PITPNM2: variants seen among roughly 807,000 people sequenced by gnomAD.
PITPNM2 encodes membrane-associated phosphatidylinositol transfer protein 2.
A neutral mutation model predicts 132.2 loss-of-function variants in PITPNM2; 35 were observed. That is an observed-to-expected ratio of 0.26 (90% CI 0.20 to 0.35). The LOEUF (loss-of-function observed/expected upper bound fraction) is 0.35. PITPNM2 is among the 10% of genes least tolerant of loss of function. PITPNM2 has a pLI of 1.00. For missense variants in PITPNM2, 1,332 were observed against 1,912.0 expected (o/e 0.70, Z 5.66); for synonymous variants, 738 against 799.2 (o/e 0.92, Z 1.29).
At chr12:123,089,909 G>A (rs1377606852) in intron 2 of PITPNM2, 1 of 152,252 alleles carries the variant, frequency 6.6e-6, no homozygotes, top group Non-Finnish European at 1.5e-5. Flanking sequence ...TTTGCAGCCA[G>A]TAGAGAGACA....
intron 1 of PITPNM2, among the ~76,000 whole-genome samples, chr12:123,124,126 G>A (rs1319715386): frequency 2.0e-5 from 3 of 150,108 alleles, no homozygotes; most frequent in Non-Finnish European, 4.4e-5. Context: ...CGTGGTGGCA[G>A]ATGCCTGTAA....
intron 2 of PITPNM2, among the ~76,000 whole-genome samples, chr12:123,055,200 T>A (rs1313557182): frequency 6.6e-6 from 1 of 152,218 alleles, no homozygotes; most frequent in African/African-American, 2.4e-5. Context: ...GTCCTCTGAG[T>A]CCACAGAAGA....
chr12:123,108,130 G>A lies in PITPNM2; in HGVS notation c.-96+2255C>T, dbSNP rs991241692. On this transcript the variant is annotated intron_variant, in intron 2 of 25. Coordinates refer to ENST00000320201, the MANE Select transcript of PITPNM2 (RefSeq NM_020845.3). This position sits in a 1 kb window ranked among gnomAD's most constrained non-coding sequence, Gnocchi z 4.4. ...GAATGTACCAGCATATAAACTAGAC[G>A]CGGGCAGGGATGCCTGTCTGTTTTG... is the stretch of plus-strand genomic sequence containing the variant. Among the ~76,000 whole-genome samples, 3 of 152,196 alleles carry A rather than the reference G, an allele frequency of 2.0e-5. No individual in the cohort carries two copies. The highest frequency in any genetic ancestry group is 7.2e-5 in the African/African-American group (3 of 41,460).
At chr12:122,990,758 C>T (rs1413593912) in intron 16 of PITPNM2, 49 bp from the exon 17 acceptor site, 2 of 1,538,036 alleles carry the variant, frequency 1.3e-6, no homozygotes, top group Admixed American at 3.7e-5. Context: ...CCCTGCCCAG[C>T]CCCGGAGCAG....
chr12:123,111,376 A>G lies in PITPNM2; in HGVS notation c.-199-888T>C, dbSNP rs2137336481. On this transcript the variant is annotated intron_variant, in intron 1 of 25. Coordinates refer to ENST00000320201, the MANE Select transcript of PITPNM2 (RefSeq NM_020845.3). This position sits in a 1 kb window ranked among gnomAD's most constrained non-coding sequence, Gnocchi z 4.1. Reference sequence around the variant, plus strand: ...GTTTCAGGAACTGATGCCCAATTCCAGGGCAACCCTGCTTTAGGAGCTGAG... The same window carrying G: ...GTTTCAGGAACTGATGCCCAATTCCGGGGCAACCCTGCTTTAGGAGCTGAG... Among the ~76,000 whole-genome samples the G allele has an allele frequency of 6.6e-6, 1 of 152,364 alleles. No homozygotes were observed. Among genetic ancestry groups the G allele is most frequent in the African/African-American group, 2.4e-5 (1 of 41,594 alleles).
At position 123,009,709 on chromosome 12, in the gene PITPNM2, C is replaced by T. The variant is rs2039099023; in HGVS notation, c.643+141G>A. 4 of 778,220 alleles carry T rather than the reference C, an allele frequency of 5.1e-6. No individual in the cohort carries two copies. Among genetic ancestry groups the T allele is most frequent in the African/African-American group, 3.4e-5 (2 of 58,092 alleles). 48.2% of individuals were successfully genotyped at this position (778,220 alleles called of 1,614,324 possible). On this transcript the variant is annotated intron_variant, in intron 6 of 25. Coordinates refer to ENST00000320201, the MANE Select transcript of PITPNM2 (RefSeq NM_020845.3). This position sits in a 1 kb window ranked among gnomAD's most constrained non-coding sequence, Gnocchi z 4.8. ...GGGTAGTGGGGAAGCTGGACATGGG[C>T]TTTGGTGTCACCTTCCCAGAACAAA...
chr12:123,017,778 C>T (rs1429058848), intron 3 of PITPNM2, among the ~76,000 whole-genome samples: 5 of 152,184 alleles, frequency 3.3e-5, no homozygotes, highest in African/African-American at 1.2e-4. Context: ...GACCACATAT[C>T]CTGTGATTCC....
At chr12:123,030,236 G>C (rs2040033282) in intron 3 of PITPNM2, among the ~76,000 whole-genome samples, 1 of 152,198 alleles carries the variant, frequency 6.6e-6, no homozygotes, top group African/African-American at 2.4e-5. Flanking sequence ...GTAAGTGCTG[G>C]TGAGGATGTG....
intron 2 of PITPNM2, among the ~76,000 whole-genome samples, chr12:123,045,821 T>G (rs1223465299): frequency 1.3e-5 from 2 of 152,106 alleles, no homozygotes; most frequent in African/African-American, 4.8e-5. Context: ...GTAGCCAGTG[T>G]CCCTAGTCCT....
intron 2 of PITPNM2, among the ~76,000 whole-genome samples, chr12:123,105,682 G>A (rs1261140187): frequency 6.6e-6 from 1 of 152,128 alleles, no homozygotes; most frequent in Non-Finnish European, 1.5e-5. Flanking sequence ...GTGCTGAGCC[G>A]TCATGCCTCC....
intron 1 of PITPNM2, among the ~76,000 whole-genome samples, chr12:123,126,702 T>C (rs1207040367): frequency 2.6e-5 from 4 of 151,916 alleles, no homozygotes; most frequent in Non-Finnish European, 5.9e-5. Flanking sequence ...AACAGCCTGA[T>C]TCATGACATT....
In PITPNM2 at chr12:122,987,262, G is replaced by A. The variant is rs774760769; in HGVS notation, c.3413+19C>T. ...ACCCACCTTGCTACAGCCCCTTTGT[G>A]CCCCTCTGGGCCACTCACCGCACCA... On this transcript the variant is annotated intron_variant, in intron 23 of 25. Transcript: ENST00000320201. 3 of 1,609,112 alleles carry A rather than the reference G, an allele frequency of 1.9e-6. No individual in the cohort carries two copies. Among genetic ancestry groups the A allele is most frequent in the Non-Finnish European group, 2.5e-6 (3 of 1,178,322 alleles).
At chr12:122,995,110 A>AGGGG in intron 14 of PITPNM2, 131 bp from the exon 15 acceptor site, 2 of 1,095,736 alleles carry the variant, frequency 1.8e-6, no homozygotes, top group Non-Finnish European at 2.5e-6. Flanking sequence ...GAGCTGGACC[A>AGGGG]CCTGCCCCTG....
At position 123,023,574 on chromosome 12, in the gene PITPNM2, G is replaced by T. The variant is rs952048274; in HGVS notation, c.79-9532C>A. On this transcript the variant is annotated intron_variant, in intron 3 of 25. Coordinates refer to ENST00000320201, the MANE Select transcript of PITPNM2 (RefSeq NM_020845.3). The surrounding 1 kb of genome is among the most constrained non-coding windows in gnomAD (Gnocchi z 4.8). Reference sequence around the variant, plus strand: ...GATTCTGGTGGGACTCCTGGGCAATGCACAAGTCCACAGACTCCCCAGAGG... The same window carrying T: ...GATTCTGGTGGGACTCCTGGGCAATTCACAAGTCCACAGACTCCCCAGAGG... Among the ~76,000 whole-genome samples, 2 of 152,204 alleles carry T rather than the reference G, an allele frequency of 1.3e-5. No homozygotes were observed. The highest frequency in any genetic ancestry group is 4.8e-5 in the African/African-American group (2 of 41,448).
intron 2 of PITPNM2, chr12:123,089,096 T>C (rs1053750468): frequency 6.6e-6 from 1 of 152,032 alleles, no homozygotes; most frequent in African/African-American, 2.4e-5. Context: ...CAAAAAATGA[T>C]AGAGGAATGA....
chr12:123,065,453 G>A (rs1049191019), intron 2 of PITPNM2, among the ~76,000 whole-genome samples: 1 of 152,240 alleles, frequency 6.6e-6, no homozygotes, highest in Non-Finnish European at 1.5e-5. Flanking sequence ...GGGCTGGCAG[G>A]AGAGGCAGGA....
chr12:122,995,057 G>A (rs927189426), intron 14 of PITPNM2, 78 bp from the exon 15 acceptor site: 1 of 1,424,496 alleles, frequency 7.0e-7, no homozygotes, highest in Non-Finnish European at 9.3e-7. Flanking sequence ...GTGGCAGCAG[G>A]TCCCAACCTC....
chr12:122,991,041 C>G (rs372701373), intron 16 of PITPNM2, among the ~76,000 whole-genome samples: 1 of 152,232 alleles, frequency 6.6e-6, no homozygotes, highest in Non-Finnish European at 1.5e-5. Context: ...CCAGAGCTCA[C>G]CCTGGCCTGA....
intron 2 of PITPNM2, among the ~76,000 whole-genome samples, chr12:123,096,659 C>T (rs934728161): frequency 6.6e-6 from 1 of 152,154 alleles, no homozygotes; most frequent in African/African-American, 2.4e-5. Flanking sequence ...AATCCCTCCC[C>T]CTGCACCACT....
Sources: allele counts gnomAD v4.1 joint callset (sites outside exome capture counted in the v4.1 genomes callset), GRCh38; gene constraint gnomAD v4.1.1; non-coding constraint Gnocchi (gnomAD v3.1); transcripts MANE v1.5; gene names NCBI Gene and HGNC (gene_info 2026-07-23, HGNC 2026-07-21).